AARS2: variants seen among roughly 807,000 people sequenced by gnomAD.
AARS2 encodes alanine--tRNA ligase, mitochondrial.
In AARS2, 78 loss-of-function variants were observed where a neutral mutation model predicts 119.7. The ratio of observed to expected loss-of-function variants is 0.65; its 90% CI spans 0.54 to 0.79. The LOEUF (loss-of-function observed/expected upper bound fraction) is 0.79. AARS2 is among the 30% of genes least tolerant of loss of function. The pLI, the probability that AARS2 is intolerant of heterozygous loss-of-function variation, is 0.00. For synonymous variants in AARS2, 502 were observed against 526.3 expected (o/e 0.95, Z 0.63); for missense variants, 1,157 against 1,291.3 (o/e 0.90, Z 1.59).
chr6:44,311,415 T>A lies in AARS2; in HGVS notation c.556A>T (p.Thr186Ser). 6.2e-7 allele frequency: 1 copy of A among 1,614,144 alleles called. No homozygotes were observed. The change falls in exon 3 of 22, where the codon ACC becomes TCC. Residue 186 changes from threonine (T) to serine (S), a missense_variant. Coordinates refer to ENST00000244571, the MANE Select transcript of AARS2 (RefSeq NM_020745.4). ...CCTAAGCTCAGCCAGATGTCCCTGG[T>A]CTCCAGGTCTGGGTCCAGCCCTGCC... ...PKAGLDPDLE[T>S]RDIWLSLGVP...
chr6:44,311,510 T>A lies in AARS2; in HGVS notation c.461A>T (p.Glu154Val). 6.2e-7 allele frequency: 1 copy of A among 1,609,938 alleles called. No homozygotes were observed. The highest frequency in any genetic ancestry group is 8.5e-7 in the Non-Finnish European group (1 of 1,178,172). ...GATCCCATAGACCTGAGTCAGCAGT[T>A]CCCAGGCCATGTTACAAGCCTCCTC... Reference protein sequence around the residue: ...FKEEACNMAWELLTQVYGIPE... With the variant: ...FKEEACNMAWVLLTQVYGIPE... The change falls in exon 3 of 22, where the codon GAA becomes GTA. Residue 154 changes from glutamate to valine, a missense_variant. Coordinates refer to ENST00000244571, the MANE Select transcript of AARS2 (RefSeq NM_020745.4).
In AARS2 at chr6:44,306,331, G is replaced by A. The variant is rs143703625; in HGVS notation, c.1249C>T (p.Arg417Trp). The change falls in exon 9 of 22, where the codon CGG (arginine) becomes TGG (tryptophan). Residue 417 changes from arginine to tryptophan, a missense_variant. Transcript: ENST00000244571. ...AFLASLERGR[R>W]IIDRTLRTLG... is the part of the protein sequence containing the mutation. ...GTCCTCAGAGTCCGATCAATGATCC[G>A]CCTACCCCGCTCCAGGGAGGCCAGG... 17 of 1,613,990 alleles carry A rather than the reference G, an allele frequency of 1.1e-5. No homozygotes were observed. The highest frequency in any genetic ancestry group is 4.5e-5 in the East Asian group (2 of 44,892).
Position 44,303,420 on chromosome 6 carries a change from G to C in AARS2, c.2011C>G (p.Pro671Ala), listed in dbSNP as rs1429029828. ...GCCCGGAGCTGCTCTGGGGTCAATGGGGTCTGGAGGGGTGGGGAGGAAATG... is the reference window on the plus strand; with the variant it reads ...GCCCGGAGCTGCTCTGGGGTCAATGCGGTCTGGAGGGGTGGGGAGGAAATG... ...QLRLDVTTQTPLTPEQLRAVE... is the reference protein window; with the variant it reads ...QLRLDVTTQTALTPEQLRAVE... The change falls in exon 15 of 22, where the codon CCA becomes GCA. Residue 671 changes from proline (P) to alanine (A), a missense_variant. Transcript: ENST00000244571. 14 of 1,613,864 alleles carry C rather than the reference G, an allele frequency of 8.7e-6. No individual in the cohort carries two copies. Among genetic ancestry groups the C allele is most frequent in the Non-Finnish European group, 1.2e-5 (14 of 1,180,034 alleles).
chr6:44,301,601 AG>A, intron 19 of AARS2, 137 bp from the exon 20 acceptor site: 1 of 849,052 alleles, frequency 1.2e-6, no homozygotes, highest in Non-Finnish European at 1.9e-6. Flanking sequence ...CTCTAGGCAG[AG>A]GTGGCAGGGA....
At position 44,304,645 on chromosome 6, in the gene AARS2, C is replaced by G; in HGVS notation, c.1752G>C (p.Glu584Asp). 2 of 1,614,218 alleles carry G rather than the reference C, an allele frequency of 1.2e-6. No homozygotes were observed. Among genetic ancestry groups the G allele is most frequent in the African/African-American group, 2.7e-5 (2 of 75,062 alleles). The change falls in exon 12 of 22, where the codon GAG becomes GAC. Residue 584 changes from glutamate (E) to aspartate (D), a missense_variant and splice_region_variant. Transcript: ENST00000244571. ...DRGYLVRAGQ[E>D]DVLFPVARAQ... ...AGCCTGGGTTGTGATGGAGACTCAC[C>G]TCTTGCCCTGCCCGCACCAGGTAGC...
chr6:44,310,644 T>C (rs1375266065), intron 4 of AARS2, among the ~76,000 whole-genome samples: 3 of 152,242 alleles, frequency 2.0e-5, no homozygotes, highest in African/African-American at 7.2e-5. Flanking sequence ...ATAGGGCTAT[T>C]TCCATTCTCA....
Position 44,303,011 on chromosome 6 carries a change from G to A in AARS2, c.2255+55C>T, listed in dbSNP as rs890110022. 5 of 1,608,566 alleles carry A rather than the reference G, an allele frequency of 3.1e-6. No individual in the cohort carries two copies. In the South Asian group the frequency reaches 3.3e-5, roughly 11 times the overall value. The stretch of plus-strand genomic sequence containing the variant: ...AAGGGCTGATGGCTCCAAAGACCAA[G>A]GGAAGGGCAAGGATCCGGGGCCCCT... On this transcript the variant is annotated intron_variant, in intron 16 of 21. Transcript: ENST00000244571.
Position 44,311,639 on chromosome 6 carries a change from G to A in AARS2, c.436-104C>T, listed in dbSNP as rs76837377. On this transcript the variant is annotated intron_variant, in intron 2 of 21. Coordinates refer to ENST00000244571, the MANE Select transcript of AARS2 (RefSeq NM_020745.4). The stretch of plus-strand genomic sequence containing the variant: ...GTTTAGCTCCCGACTTAAGACAAAA[G>A]CATTTCTGCTGCCATCTTGTTCCCA... 4.4e-6 allele frequency: 6 copies of A among 1,351,428 alleles called. No individual in the cohort carries two copies. In the African/African-American group the frequency reaches 8.7e-5, roughly 20 times the overall value. The allele number at this position is 1,351,428 out of a possible 1,614,324, so 83.7% of individuals were successfully genotyped here.
rs1050432308 is a variant in AARS2, at chr6:44,304,852, A to G, written c.1580-35T>C. 1.4e-5 allele frequency: 22 copies of G among 1,613,774 alleles called. No individual in the cohort carries two copies. In the East Asian group the frequency reaches 4.0e-4, roughly 29 times the overall value. The stretch of plus-strand genomic sequence containing the variant: ...CACAGAATGGTTATTAGTGGTGGGC[A>G]GGGGCTGGGGACGTGAAGGTGGGTC... On this transcript the variant is annotated intron_variant, in intron 11 of 21. Transcript: ENST00000244571.
Position 44,305,484 on chromosome 6 carries a change from T to C in AARS2, c.1434+169A>G, listed in dbSNP as rs1785764051. On this transcript the variant is annotated intron_variant, in intron 10 of 21. Transcript: ENST00000244571. This position sits in a 1 kb window ranked among gnomAD's most constrained non-coding sequence, Gnocchi z 4.6. ...CCTGTGTTTAGCCCATTGGCTAGTTTTGCTTTCTACTGGTTGTGGCCTGAG... is the reference window on the plus strand; with the variant it reads ...CCTGTGTTTAGCCCATTGGCTAGTTCTGCTTTCTACTGGTTGTGGCCTGAG... Among the ~76,000 whole-genome samples, 1 of 152,216 alleles carries C rather than the reference T, an allele frequency of 6.6e-6. No individual in the cohort carries two copies. Among genetic ancestry groups the C allele is most frequent in the Non-Finnish European group, 1.5e-5 (1 of 68,034 alleles).
intron 2 of AARS2, 90 bp from the exon 3 acceptor site, chr6:44,311,625 G>A (rs375078252): frequency 6.9e-7 from 1 of 1,459,446 alleles, no homozygotes. Flanking sequence ...TTTAGCTCCC[G>A]ACTTAAGACA....
In AARS2 at chr6:44,303,470, C is replaced by T. The variant is rs768698507; in HGVS notation, c.2008-47G>A. 20 of 1,613,378 alleles carry T rather than the reference C, an allele frequency of 1.2e-5. No individual in the cohort carries two copies. The East Asian group carries it at 3.8e-4, about 31-fold the overall frequency. ...GGAAAGACCAACATGCAGTCAGCCC[C>T]ACACCTCTAACTGATGCATTGAAAC... On this transcript the variant is annotated intron_variant, in intron 14 of 21. Coordinates refer to ENST00000244571, the MANE Select transcript of AARS2 (RefSeq NM_020745.4).
intron 1 of AARS2, 131 bp from the exon 2 acceptor site, chr6:44,312,394 C>A: frequency 1.1e-6 from 1 of 931,494 alleles, no homozygotes. Flanking sequence ...GCAGTGTAAT[C>A]TTGGTCTATG....
Position 44,311,386 on chromosome 6 carries a change from T to TTACC in AARS2, c.581_581+3dup, listed in dbSNP as rs1471928100. 3.2e-5 allele frequency: 52 copies of TTACC among 1,614,080 alleles called. No homozygotes were observed. The highest frequency in any genetic ancestry group is 4.3e-5 in the Non-Finnish European group (51 of 1,180,042). On this transcript the variant is annotated splice_donor_region_variant and intron_variant, in intron 3 of 21. Transcript: ENST00000244571. ...GAATGAACATAAGAAGGGGGCTGAC[T>TTACC]TACCCTAAGCTCAGCCAGATGTCCC...
At position 44,302,441 on chromosome 6, in the gene AARS2, C is replaced by T; in HGVS notation, c.2437G>A (p.Asp813Asn). ...ATERLSLGSR[D>N]VAEALRLSKD... ...GACAGCCTCAGTGCCTCCGCCACAT[C>T]CCGGCTCCCCAGACTCAGCCGCTCA... Residue 813 changes from aspartate (D) to asparagine (N), a missense_variant, in exon 18 of 22, where the codon GAT becomes AAT. Asp to Asn is a conservative substitution (Grantham distance 23). Transcript: ENST00000244571. 2 of 1,614,128 alleles carry T rather than the reference C, an allele frequency of 1.2e-6. No individual in the cohort carries two copies. Among genetic ancestry groups the T allele is most frequent in the Non-Finnish European group, 1.7e-6 (2 of 1,180,024 alleles).
intron 20 of AARS2, 54 bp downstream of exon 20, chr6:44,301,327 T>C: frequency 6.2e-7 from 1 of 1,613,326 alleles, no homozygotes; most frequent in African/African-American, 1.3e-5. Flanking sequence ...TGTCTCCTGG[T>C]CAGGACTTTG....
At chr6:44,302,331 G>A (rs1785429870) in intron 18 of AARS2, 60 bp downstream of exon 18, 2 of 1,613,576 alleles carry the variant, frequency 1.2e-6, no homozygotes, top group Non-Finnish European at 8.5e-7. Flanking sequence ...AAGGAGTCCA[G>A]GGAGGAATAG....
chr6:44,301,583 G>A (rs1157489996), intron 19 of AARS2, 119 bp from the exon 20 acceptor site: 3 of 986,302 alleles, frequency 3.0e-6, no homozygotes, highest in Non-Finnish European at 4.7e-6. Flanking sequence ...CACCCCAAAA[G>A]TCATTAGCTC....
Position 44,301,166 on chromosome 6 carries a change from T to C in AARS2, c.2783A>G (p.Gln928Arg), listed in dbSNP as rs1292095604. 3 of 1,613,242 alleles carry C rather than the reference T, an allele frequency of 1.9e-6. No individual in the cohort carries two copies. In the African/African-American group the frequency reaches 4.0e-5, roughly 22 times the overall value. Reference protein sequence around the residue: ...QPMGKVLCACQVAQGAMPTFT... With the variant: ...QPMGKVLCACRVAQGAMPTFT... ...TCCCACTTCCCTCACCTGGGCCACC[T>C]GACAGGCACACAGCACCTTCCCCAT... The change falls in exon 21 of 22, where the codon CAG becomes CGG. Residue 928 changes from glutamine (Q) to arginine (R), a missense_variant. Transcript: ENST00000244571.
Sources: gnomAD v4.1 joint callset for allele counts (sites outside exome capture counted in the v4.1 genomes callset) on GRCh38, gnomAD v4.1.1 for gene constraint, Gnocchi (gnomAD v3.1) non-coding constraint, MANE v1.5 for transcripts, NCBI Gene and HGNC (gene_info 2026-07-23, HGNC 2026-07-21) for gene names.